TBL1XR1: variants seen among roughly 807,000 people sequenced by gnomAD.
TBL1XR1 encodes the protein F-box-like/WD repeat-containing protein TBL1XR1.
TBL1XR1 carries 5 observed loss-of-function variants against 66.9 expected under a neutral mutation model. The ratio of observed to expected loss-of-function variants is 0.07; its 90% CI spans 0.04 to 0.16. The LOEUF is 0.16. TBL1XR1 is among the 10% of genes least tolerant of loss of function. TBL1XR1 has a pLI of 1.00. For synonymous variants in TBL1XR1, 210 were observed against 206.0 expected (o/e 1.02, Z -0.17); for missense variants, 238 against 623.2 (o/e 0.38, Z 6.58).
chr3:177,122,873 T>G (rs940946377), intron 1 of TBL1XR1, among the ~76,000 whole-genome samples: 1 of 152,272 alleles, frequency 6.6e-6, no homozygotes, highest in Admixed American at 6.5e-5. Flanking sequence ...TTTAATAATG[T>G]GGCTTATTAC....
At chr3:177,139,561 A>G (rs1369538289) in intron 1 of TBL1XR1, among the ~76,000 whole-genome samples, 1 of 152,064 alleles carries the variant, frequency 6.6e-6, no homozygotes, top group Non-Finnish European at 1.5e-5. Context: ...ATTAAAGCAT[A>G]AAAATCTCAA....
At chr3:177,038,456 AT>A in intron 10 of TBL1XR1, 22 bp from the exon 11 acceptor site, 1 of 1,491,268 alleles carries the variant, frequency 6.7e-7, no homozygotes, top group Non-Finnish European at 9.0e-7. Context: ...CAAAGGTTAG[AT>A]TTGCTTTTAT....
In TBL1XR1 at chr3:177,134,355, G is replaced by A. The variant is rs374057254; in HGVS notation, c.-121-35814C>T. ...AGCAGGAACCATAAATCAGAGGAAAGCCTGGTCTATTGGGAGCAGAGAGAA... is the reference window on the plus strand; with the variant it reads ...AGCAGGAACCATAAATCAGAGGAAAACCTGGTCTATTGGGAGCAGAGAGAA... On this transcript the variant is annotated intron_variant, in intron 1 of 15. Coordinates refer to ENST00000457928, the MANE Select transcript of TBL1XR1 (RefSeq NM_024665.7). 1.8e-4 allele frequency among the ~76,000 whole-genome samples: 28 copies of A among 152,244 alleles called. No homozygotes were observed. The East Asian group carries it at 2.5e-3, about 14-fold the overall frequency.
intron 2 of TBL1XR1, chr3:177,086,827 A>T (rs1722185471): frequency 6.6e-6 from 1 of 151,884 alleles, no homozygotes; most frequent in Non-Finnish European, 1.5e-5. Flanking sequence ...ACTACTAACA[A>T]CCTAGTTATG....
chr3:177,125,204 G>A (rs962258617), intron 1 of TBL1XR1, among the ~76,000 whole-genome samples: 1 of 152,030 alleles, frequency 6.6e-6, no homozygotes, highest in Non-Finnish European at 1.5e-5. Context: ...CAGAATATAT[G>A]AAATACTACA....
chr3:177,120,235 TCTC>T (rs1726825629), intron 1 of TBL1XR1, among the ~76,000 whole-genome samples: 1 of 151,948 alleles, frequency 6.6e-6, no homozygotes, highest in African/African-American at 2.4e-5. Flanking sequence ...CTTTTCCTCT[TCTC>T]CTATCTAGAG....
chr3:177,154,457 T>C (rs991588649), intron 1 of TBL1XR1, among the ~76,000 whole-genome samples: 6 of 152,098 alleles, frequency 3.9e-5, no homozygotes, highest in African/African-American at 1.4e-4. Context: ...AGTACAATGG[T>C]ACAATCTCAG....
At chr3:177,100,470 C>T (rs1275741805) in intron 1 of TBL1XR1, among the ~76,000 whole-genome samples, 6 of 151,820 alleles carry the variant, frequency 4.0e-5, no homozygotes, top group Non-Finnish European at 7.4e-5. Context: ...GTCACCCAGG[C>T]TGAAGTGCCA....
intron 2 of TBL1XR1, among the ~76,000 whole-genome samples, chr3:177,072,260 C>T (rs1720115093): frequency 6.6e-6 from 1 of 152,132 alleles, no homozygotes. Flanking sequence ...GATCCGTAGA[C>T]CCCTGGAGTT....
At chr3:177,070,813 T>G (rs1368130308) in intron 2 of TBL1XR1, among the ~76,000 whole-genome samples, 1 of 151,386 alleles carries the variant, frequency 6.6e-6, no homozygotes, top group African/African-American at 2.4e-5. Flanking sequence ...ACCACTGCAC[T>G]CCAGCCTGGG....
At chr3:177,061,892 A>G (rs796498306) in intron 3 of TBL1XR1, among the ~76,000 whole-genome samples, 6 of 152,348 alleles carry the variant, frequency 3.9e-5, no homozygotes, top group African/African-American at 1.4e-4. Flanking sequence ...ACATTTAAGT[A>G]TAATTGGAGA....
chr3:177,032,260 T>C (rs1434990744), intron 14 of TBL1XR1: 1 of 152,200 alleles, frequency 6.6e-6, no homozygotes, highest in African/African-American at 2.4e-5. Context: ...TTCTGAACTG[T>C]ATGCATGTAT....
intron 14 of TBL1XR1, among the ~76,000 whole-genome samples, chr3:177,030,941 A>G (rs1214109574): frequency 6.6e-6 from 1 of 152,084 alleles, no homozygotes; most frequent in Non-Finnish European, 1.5e-5. Flanking sequence ...GTGAAACTCC[A>G]TCTCTACTAA....
At chr3:177,078,351 G>T (rs570239365) in intron 2 of TBL1XR1, among the ~76,000 whole-genome samples, 2 of 151,942 alleles carry the variant, frequency 1.3e-5, no homozygotes, top group East Asian at 3.9e-4. Flanking sequence ...CATCACTTTG[G>T]GGGGCAGAGG....
intron 1 of TBL1XR1, among the ~76,000 whole-genome samples, chr3:177,178,500 G>C (rs1734422418): frequency 1.3e-5 from 2 of 152,010 alleles, no homozygotes; most frequent in South Asian, 4.1e-4. Context: ...ATTAACAAAG[G>C]CAATGTGAAT....
intron 1 of TBL1XR1, among the ~76,000 whole-genome samples, chr3:177,195,069 G>A (rs1421593742): frequency 6.6e-6 from 1 of 151,856 alleles, no homozygotes; most frequent in Non-Finnish European, 1.5e-5. Context: ...CGTAGTTTTC[G>A]TCCCCCATAC....
At chr3:177,199,690 A>G (rs1158068329), upstream of TBL1XR1, among the ~76,000 whole-genome samples, 1 of 151,498 alleles carries the variant, frequency 6.6e-6, no homozygotes, top group East Asian at 1.9e-4. Flanking sequence ...GGGAGGAGAC[A>G]CCCTCCTTCA....
chr3:177,135,778 C>T (rs1436587448), intron 1 of TBL1XR1, among the ~76,000 whole-genome samples: 3 of 151,850 alleles, frequency 2.0e-5, no homozygotes, highest in Non-Finnish European at 4.4e-5. Flanking sequence ...AAATCACTGA[C>T]ATCTTCCAAC....
At chr3:177,123,039 G>C (rs1435469561) in intron 1 of TBL1XR1, among the ~76,000 whole-genome samples, 1 of 152,000 alleles carries the variant, frequency 6.6e-6, no homozygotes, top group East Asian at 1.9e-4. Context: ...CATGTGTCTT[G>C]TATCTTTTAA....
Sources: allele counts gnomAD v4.1 joint callset (sites outside exome capture counted in the v4.1 genomes callset), GRCh38; gene constraint gnomAD v4.1.1; transcripts MANE v1.5; gene names NCBI Gene and HGNC (gene_info 2026-07-23, HGNC 2026-07-21).